Variants in DRC11 observed in about 807,000 individuals in gnomAD.
The protein encoded by DRC11 is dynein regulatory complex subunit 11.
chr2:236,396,339 T>C, the DRC11 span, among the ~76,000 whole-genome samples: 2 of 149,792 alleles, frequency 1.3e-5, no homozygotes, highest in African/African-American at 4.9e-5. Flanking sequence ...AATGCTAATG[T>C]TTTATTTGAA....
the DRC11 span, among the ~76,000 whole-genome samples, chr2:236,314,346 A>G: frequency 9.8e-5 from 15 of 152,350 alleles, no homozygotes; most frequent in Non-Finnish European, 1.9e-4. This position sits in a 1 kb window ranked among gnomAD's most constrained non-coding sequence, Gnocchi z 4.5. Flanking sequence ...GTGATAAAGT[A>G]TAGTTTCAAA....
chr2:236,460,327 GT>G, the DRC11 span, among the ~76,000 whole-genome samples: 1 of 152,156 alleles, frequency 6.6e-6, no homozygotes, highest in Non-Finnish European at 1.5e-5. The surrounding 1 kb of genome is among the most constrained non-coding windows in gnomAD (Gnocchi z 4.0). Context: ...TTCAAAGGGC[GT>G]CCATAAACGC....
the DRC11 span, among the ~76,000 whole-genome samples, chr2:236,484,970 A>G: frequency 6.6e-6 from 1 of 152,068 alleles, no homozygotes; most frequent in African/African-American, 2.4e-5. Context: ...CTCCTACTAA[A>G]TCTCTTGCAT....
the DRC11 span, among the ~76,000 whole-genome samples, chr2:236,459,652 T>TATAC: frequency 9.6e-6 from 1 of 103,816 alleles, no homozygotes; most frequent in African/African-American, 3.3e-5. Context: ...TACGTATATA[T>TATAC]GTATATACAT....
At chr2:236,503,933 T>C in the DRC11 span, among the ~76,000 whole-genome samples, 626 of 152,164 alleles carry the variant, frequency 4.1e-3, 1 homozygote, top group Non-Finnish European at 7.0e-3. The surrounding 1 kb of genome is among the most constrained non-coding windows in gnomAD (Gnocchi z 4.9). Flanking sequence ...GGCAAGATGA[T>C]TTTTCATAAG....
the DRC11 span, among the ~76,000 whole-genome samples, chr2:236,345,834 T>G: frequency 1.3e-5 from 2 of 152,230 alleles, no homozygotes; most frequent in African/African-American, 4.8e-5. Context: ...TTATATTTCT[T>G]AAAACATCAT....
the DRC11 span, among the ~76,000 whole-genome samples, chr2:236,343,339 T>C: frequency 5.9e-5 from 9 of 152,174 alleles, no homozygotes; most frequent in Admixed American, 5.2e-4. This position sits in a 1 kb window ranked among gnomAD's most constrained non-coding sequence, Gnocchi z 6.6. Context: ...CCGCAAGCAC[T>C]GATGGCAAGC....
At chr2:236,465,731 C>T in the DRC11 span, 33,219 of 1,506,944 alleles carry the variant, frequency 0.022, 450 homozygotes, top group Non-Finnish European at 0.026. The surrounding 1 kb of genome is among the most constrained non-coding windows in gnomAD (Gnocchi z 6.2). Context: ...ATACAAGCAA[C>T]AAGGTTTGAG....
chr2:236,334,670 G>C, the DRC11 span, among the ~76,000 whole-genome samples: 1 of 152,092 alleles, frequency 6.6e-6, no homozygotes, highest in African/African-American at 2.4e-5. The surrounding 1 kb of genome is among the most constrained non-coding windows in gnomAD (Gnocchi z 7.8). Context: ...CTTGGCTGGC[G>C]CTCGAGATGA....
At chr2:236,428,046 A>AT in the DRC11 span, among the ~76,000 whole-genome samples, 1 of 151,976 alleles carries the variant, frequency 6.6e-6, no homozygotes, top group Non-Finnish European at 1.5e-5. Context: ...AATTTCAAAG[A>AT]TTTTTCCTTT....
the DRC11 span, among the ~76,000 whole-genome samples, chr2:236,416,729 A>ATATATATATATATATTTT: frequency 1.4e-4 from 5 of 35,230 alleles, no homozygotes; most frequent in South Asian, 7.8e-4. Flanking sequence ...ATTTATATAT[A>ATATATATATATATATTTT]TATATATATA....
At chr2:236,406,651 A>C in the DRC11 span, among the ~76,000 whole-genome samples, 2 of 152,194 alleles carry the variant, frequency 1.3e-5, no homozygotes, top group African/African-American at 4.8e-5. This position sits in a 1 kb window ranked among gnomAD's most constrained non-coding sequence, Gnocchi z 4.7. Context: ...CAACCCAGAA[A>C]CTATAATGGC....
the DRC11 span, among the ~76,000 whole-genome samples, chr2:236,402,460 G>C: frequency 1.3e-5 from 2 of 152,364 alleles, no homozygotes; most frequent in Middle Eastern, 3.4e-3. This position sits in a 1 kb window ranked among gnomAD's most constrained non-coding sequence, Gnocchi z 6.0. Context: ...CAGGTCACCA[G>C]GAAGCAAGGA....
the DRC11 span, among the ~76,000 whole-genome samples, chr2:236,358,436 TATAA>T: frequency 1.5e-5 from 2 of 137,534 alleles, no homozygotes; most frequent in Non-Finnish European, 1.6e-5. Context: ...ATATATCATA[TATAA>T]ATATACATAT....
the DRC11 span, among the ~76,000 whole-genome samples, chr2:236,355,826 G>A: frequency 6.6e-6 from 1 of 152,044 alleles, no homozygotes; most frequent in African/African-American, 2.4e-5. Context: ...AGGAAGAGAA[G>A]TCTTCTTCTA....
At chr2:236,454,453 T>C in the DRC11 span, among the ~76,000 whole-genome samples, 1 of 152,152 alleles carries the variant, frequency 6.6e-6, no homozygotes. This position sits in a 1 kb window ranked among gnomAD's most constrained non-coding sequence, Gnocchi z 5.3. Flanking sequence ...TTATTTTCCT[T>C]CTCATATGAG....
At chr2:236,419,866 A>G in the DRC11 span, among the ~76,000 whole-genome samples, 4 of 152,248 alleles carry the variant, frequency 2.6e-5, no homozygotes, top group Non-Finnish European at 4.4e-5. This position sits in a 1 kb window ranked among gnomAD's most constrained non-coding sequence, Gnocchi z 4.8. Flanking sequence ...ATTTGTTAAA[A>G]AAACATATAA....
the DRC11 span, among the ~76,000 whole-genome samples, chr2:236,383,095 A>G: frequency 1.3e-5 from 2 of 152,130 alleles, no homozygotes; most frequent in Non-Finnish European, 2.9e-5. Flanking sequence ...CCAGGATCCC[A>G]GGAAGGTTTT....
chr2:236,490,739 G>T, the DRC11 span, among the ~76,000 whole-genome samples: 1 of 151,886 alleles, frequency 6.6e-6, no homozygotes, highest in Non-Finnish European at 1.5e-5. The surrounding 1 kb of genome is among the most constrained non-coding windows in gnomAD (Gnocchi z 5.5). Flanking sequence ...TAATGTAGGA[G>T]ATGGACAATA....
Sources: gnomAD v4.1 joint callset for allele counts (sites outside exome capture counted in the v4.1 genomes callset) on GRCh38, gnomAD v4.1.1 for gene constraint, Gnocchi (gnomAD v3.1) non-coding constraint, MANE v1.5 for transcripts, NCBI Gene and HGNC (gene_info 2026-07-23, HGNC 2026-07-21) for gene names.